Variants in ZDHHC9 observed in about 807,000 individuals in gnomAD.
The protein encoded by ZDHHC9 is zDHHC palmitoyltransferase 9.
Under a neutral mutation model 26.6 loss-of-function variants are expected in ZDHHC9, and 3 were observed. The ratio of observed to expected loss-of-function variants is 0.11; its 90% confidence interval spans 0.05 to 0.29. The LOEUF is 0.29. Among genes scored for constraint, ZDHHC9 ranks in the 10% least tolerant of loss-of-function variants. The pLI is 1.00. For synonymous variants in ZDHHC9, 111 were observed against 109.4 expected, an observed-to-expected ratio of 1.01 and a Z score of -0.09; for missense variants, 146 against 296.4, an observed-to-expected ratio of 0.49 and a Z score of 3.73.
intron 5 of ZDHHC9, chrX:129,823,477 T>C: frequency 4.7e-6 from 2 of 426,505 alleles, no homozygotes; most frequent in East Asian, 3.8e-5. Context: ...GGCTAGAGGA[T>C]ATTTAAATTT....
intron 10 of ZDHHC9, 34 bp from the exon 11 acceptor site, chrX:129,806,520 G>A: frequency 8.7e-7 from 1 of 1,145,582 alleles, no homozygotes; most frequent in Non-Finnish European, 1.2e-6. Context: ...TCAACACAAA[G>A]CTGTTCCTCA....
intron 5 of ZDHHC9, among the ~76,000 whole-genome samples, chrX:129,818,042 C>T (rs776393087): frequency 1.1e-4 from 12 of 111,794 alleles, no homozygotes; most frequent in Non-Finnish European, 2.1e-4. Context: ...CCCAATGTAG[C>T]TGCACTTGGA....
chrX:129,814,112 T>G (rs959043087), intron 6 of ZDHHC9, among the ~76,000 whole-genome samples: 2 of 112,177 alleles, frequency 1.8e-5, no homozygotes, highest in Non-Finnish European at 3.8e-5. Context: ...CTCAGAACTC[T>G]TCTCTTTCCA....
Position 129,819,041 on chromosome X carries a change from C to T in ZDHHC9, c.488-4246G>A, listed in dbSNP as rs190001292. 3.8e-3 allele frequency among the ~76,000 whole-genome samples: 412 copies of T among 108,408 alleles called. 2 individuals are homozygous for T. Among genetic ancestry groups the T allele is most frequent in the Admixed American group, 0.034 (337 of 10,048 alleles). 94.1% of individuals were successfully genotyped at this position (108,408 alleles called of 115,157 possible). The stretch of plus-strand genomic sequence containing the variant: ...CAAAAAAATTAGCCAGGCGTGGTGG[C>T]GGGAGCCTGTAGTCCCAGCTACTCG... On this transcript the variant is annotated intron_variant, in intron 5 of 10. Transcript: ENST00000357166.
At chrX:129,839,368 C>T (rs1328187074) in intron 3 of ZDHHC9, among the ~76,000 whole-genome samples, 1 of 110,024 alleles carries the variant, frequency 9.1e-6, no homozygotes, top group Admixed American at 9.7e-5. Context: ...ACAACAGCCA[C>T]ACGGGGCTAA....
At chrX:129,827,101 C>T (rs1928032352) in intron 4 of ZDHHC9, among the ~76,000 whole-genome samples, 2 of 109,066 alleles carry the variant, frequency 1.8e-5, no homozygotes, top group Admixed American at 9.9e-5. Flanking sequence ...GGCTGAGGCA[C>T]GAGAATCACT....
Position 129,804,224 on chromosome X carries a change from T to G in ZDHHC9, c.*2146A>C, listed in dbSNP as rs184646084. 9.0e-6 allele frequency: 1 copy of G among 110,822 alleles called. No homozygotes were observed. The highest frequency in any genetic ancestry group is 3.3e-5 in the African/African-American group (1 of 30,456). 9.1% of individuals were successfully genotyped at this position (110,822 alleles called of 1,213,427 possible). ...AAATGGGGTTCATATGAGTGCCAAG[T>G]TACCTGGGGAAACCTAACAACTTAC... is the stretch of plus-strand genomic sequence containing the variant. On this transcript the variant is annotated 3_prime_UTR_variant, in exon 11 of 11. Transcript: ENST00000357166.
chrX:129,811,571 T>C, intron 8 of ZDHHC9, 62 bp from the exon 9 acceptor site: 1 of 872,800 alleles, frequency 1.1e-6, no homozygotes, highest in Non-Finnish European at 1.6e-6. Context: ...ATAATAATAA[T>C]AAAATTAAAA....
At chrX:129,810,687 G>A (rs970089038) in intron 10 of ZDHHC9, among the ~76,000 whole-genome samples, 3 of 112,092 alleles carry the variant, frequency 2.7e-5, no homozygotes, top group Admixed American at 9.5e-5. Context: ...CTGGCAGCTA[G>A]TACAGTGGCT....
chrX:129,823,116 A>G (rs970743901), intron 5 of ZDHHC9: 2 of 117,685 alleles, frequency 1.7e-5, no homozygotes, highest in African/African-American at 6.5e-5. Context: ...GCTTAATCTC[A>G]TACTAATTAT....
rs978678972 is a variant in ZDHHC9, at chrX:129,804,762, C to T, written c.*1608G>A. The T allele has an allele frequency of 9.0e-6, 1 of 111,632 alleles. No individual in the cohort carries two copies. The highest frequency in any genetic ancestry group is 3.3e-5 in the African/African-American group (1 of 30,668). The allele number at this position is 111,632 out of a possible 1,213,427, so 9.2% of individuals were successfully genotyped here. Reference sequence around the variant, plus strand: ...TCTTCATAGTCCAGAATAAGAAAACCTTCAGCCCAGAATGTAGTATAGATC... The same window carrying T: ...TCTTCATAGTCCAGAATAAGAAAACTTTCAGCCCAGAATGTAGTATAGATC... On this transcript the variant is annotated 3_prime_UTR_variant, in exon 11 of 11. Coordinates refer to ENST00000357166, the MANE Select transcript of ZDHHC9 (RefSeq NM_016032.4).
rs1927890290 is a variant in ZDHHC9 at position 129,821,668 on chromosome X, A to T, written c.487+2011T>A. ...GCCGGGTGTGGTGGCTCATGCCTGT[A>T]ATCTCAGCACTTTGGGAGGCCTAGG... On this transcript the variant is annotated intron_variant, in intron 5 of 10. Coordinates refer to ENST00000357166, the MANE Select transcript of ZDHHC9 (RefSeq NM_016032.4). Among the ~76,000 whole-genome samples, 4 of 108,962 alleles carry T rather than the reference A, an allele frequency of 3.7e-5. No individual in the cohort carries two copies. The Admixed American group carries it at 3.9e-4, about 11-fold the overall frequency. 94.6% of individuals were successfully genotyped at this position (108,962 alleles called of 115,157 possible). A position where few individuals can be genotyped will look rare whatever the true frequency, so the allele number is the denominator to read the frequency against.
chrX:129,838,849 C>T (rs1180510329), intron 3 of ZDHHC9, among the ~76,000 whole-genome samples: 3 of 112,040 alleles, frequency 2.7e-5, no homozygotes, highest in African/African-American at 9.7e-5. Flanking sequence ...AAGGCATAAT[C>T]CAAAAATAAA....
chrX:129,830,199 C>T (rs1928109931), intron 3 of ZDHHC9, among the ~76,000 whole-genome samples: 1 of 111,686 alleles, frequency 9.0e-6, no homozygotes, highest in Admixed American at 9.6e-5. Context: ...ACTGGACTTC[C>T]TAAGAGCAAG....
intron 6 of ZDHHC9, among the ~76,000 whole-genome samples, chrX:129,814,234 T>G (rs1927708501): frequency 9.0e-6 from 1 of 111,527 alleles, no homozygotes; most frequent in South Asian, 3.7e-4. Flanking sequence ...GTGCTTTCTA[T>G]CTCCCAAACT....
chrX:129,813,969 G>A (rs1041714222), intron 6 of ZDHHC9, among the ~76,000 whole-genome samples: 2 of 112,049 alleles, frequency 1.8e-5, no homozygotes, highest in Non-Finnish European at 3.8e-5. Flanking sequence ...AGAGCAGCAG[G>A]CTCCCTTCCC....
At chrX:129,842,808 A>G (rs149189929) in intron 2 of ZDHHC9, among the ~76,000 whole-genome samples, 2,168 of 112,894 alleles carry the variant, frequency 0.019, 27 homozygotes, top group Non-Finnish European at 0.031. Context: ...TCTTAATGAA[A>G]CCACATCAGA....
intron 4 of ZDHHC9, among the ~76,000 whole-genome samples, chrX:129,826,616 G>A (rs1437302713): frequency 9.0e-6 from 1 of 110,888 alleles, no homozygotes; most frequent in African/African-American, 3.3e-5. Flanking sequence ...GAAGGGAACT[G>A]GAAAAGAATA....
chrX:129,813,884 T>C (rs1206419787), intron 6 of ZDHHC9, among the ~76,000 whole-genome samples, 159 bp from the exon 7 acceptor site: 1 of 112,389 alleles, frequency 8.9e-6, no homozygotes, highest in African/African-American at 3.2e-5. Context: ...CCTCATCTCC[T>C]AGCTGGTAGT....
Sources: allele counts gnomAD v4.1 joint callset (sites outside exome capture counted in the v4.1 genomes callset), GRCh38; gene constraint gnomAD v4.1.1; transcripts MANE v1.5; gene names NCBI Gene and HGNC (gene_info 2026-07-23, HGNC 2026-07-21).